Variants in RBMS1 observed in about 807,000 individuals in gnomAD.
RBMS1 encodes the protein RNA-binding motif, single-stranded-interacting protein 1.
A neutral mutation model predicts 62.3 loss-of-function variants in RBMS1; 17 were observed. That is an observed-to-expected ratio of 0.27 (90% CI 0.19 to 0.41). The LOEUF is 0.41. Ranked by LOEUF, RBMS1 falls within the 10% of genes least tolerant of loss-of-function variation. RBMS1 has a pLI of 1.00. For missense variants in RBMS1, 334 were observed against 504.5 expected (o/e 0.66, Z 3.24); for synonymous variants, 172 against 170.0 (o/e 1.01, Z -0.09).
intron 1 of RBMS1, 22 bp from the exon 2 acceptor site, chr2:160,367,413 C>A (rs1559454325): frequency 6.2e-7 from 1 of 1,612,570 alleles, no homozygotes; most frequent in Non-Finnish European, 8.5e-7. Context: ...AGATCAGGAG[C>A]CTTAGTATGC....
At chr2:160,282,436 T>C in intron 9 of RBMS1, 1 of 675,398 alleles carries the variant, frequency 1.5e-6, no homozygotes, top group Non-Finnish European at 2.5e-6. Context: ...AAGCTTATGG[T>C]GGTTTAGTGG....
chr2:160,274,503 A>C lies in RBMS1; in HGVS notation c.*269T>G, dbSNP rs1687727177. The C allele has an allele frequency of 6.7e-6, 1 of 149,666 alleles. No individual in the cohort carries two copies. The highest frequency in any genetic ancestry group is 2.5e-5 in the African/African-American group (1 of 40,698). 9.3% of individuals were successfully genotyped at this position (149,666 alleles called of 1,614,324 possible). On this transcript the variant is annotated 3_prime_UTR_variant, in exon 14 of 14. Transcript: ENST00000348849. ...TTTTTTTGCATCATAACATTTGATA[A>C]AAATCTTTTGTTTTTGTTTTTTGTT...
At chr2:160,314,838 T>G (rs1393418941) in intron 3 of RBMS1, among the ~76,000 whole-genome samples, 1 of 152,176 alleles carries the variant, frequency 6.6e-6, no homozygotes, top group East Asian at 1.9e-4. Context: ...AGGTTAAACA[T>G]ATCTTGGATG....
At chr2:160,385,889 C>T (rs1265226122) in intron 1 of RBMS1, among the ~76,000 whole-genome samples, 2 of 152,196 alleles carry the variant, frequency 1.3e-5, no homozygotes, top group African/African-American at 2.4e-5. Flanking sequence ...TATATTGGTT[C>T]GAAACGTCCA....
intron 1 of RBMS1, among the ~76,000 whole-genome samples, chr2:160,409,487 C>T (rs1172455094): frequency 6.6e-6 from 1 of 152,182 alleles, no homozygotes; most frequent in Non-Finnish European, 1.5e-5. Context: ...ACTGTTTTGA[C>T]TTCCCTTTTG....
chr2:160,439,943 C>CTG (rs1337021390), intron 1 of RBMS1, among the ~76,000 whole-genome samples: 1 of 151,944 alleles, frequency 6.6e-6, no homozygotes, highest in Non-Finnish European at 1.5e-5. Flanking sequence ...CAATCGCAGG[C>CTG]ACTCGGCAAG....
chr2:160,324,304 G>GCAC (rs1690762420), intron 2 of RBMS1, among the ~76,000 whole-genome samples: 1 of 152,174 alleles, frequency 6.6e-6, no homozygotes, highest in Non-Finnish European at 1.5e-5. Context: ...TAGGGAACGT[G>GCAC]CAGCTTTTGA....
intron 1 of RBMS1, among the ~76,000 whole-genome samples, chr2:160,400,238 GCCA>G (rs1306641748): frequency 6.6e-6 from 1 of 151,840 alleles, no homozygotes; most frequent in Non-Finnish European, 1.5e-5. Flanking sequence ...CTCTAAAGAA[GCCA>G]CACCTCCCAC....
At chr2:160,286,928 A>G (rs1559322572) in intron 7 of RBMS1, 41 bp downstream of exon 7, 31 of 1,607,528 alleles carry the variant, frequency 1.9e-5, no homozygotes, top group Non-Finnish European at 2.5e-5. Flanking sequence ...TCAAGATCAC[A>G]CCCCCTCCCC....
chr2:160,482,937 A>G (rs890359720), intron 1 of RBMS1, among the ~76,000 whole-genome samples: 1 of 152,240 alleles, frequency 6.6e-6, no homozygotes, highest in African/African-American at 2.4e-5. Flanking sequence ...GAAGGCTCAA[A>G]GGATGTGTAC....
chr2:160,330,223 G>A (rs1691179832), intron 2 of RBMS1, among the ~76,000 whole-genome samples: 1 of 152,168 alleles, frequency 6.6e-6, no homozygotes, highest in Admixed American at 6.5e-5. Flanking sequence ...AAGATGAAAT[G>A]TGGCTTGAGT....
chr2:160,301,325 T>TA (rs1689195876), intron 5 of RBMS1, among the ~76,000 whole-genome samples: 2 of 152,208 alleles, frequency 1.3e-5, no homozygotes, highest in African/African-American at 4.8e-5. Flanking sequence ...CTTTACAACT[T>TA]AGTCAATTCC....
At chr2:160,413,129 A>G (rs960907209) in intron 1 of RBMS1, among the ~76,000 whole-genome samples, 1 of 152,254 alleles carries the variant, frequency 6.6e-6, no homozygotes, top group African/African-American at 2.4e-5. Context: ...GAACCATTTC[A>G]GGCACCCATT....
Position 160,493,569 on chromosome 2 carries a change from C to CTCT in RBMS1, c.-209_-207dup. ...CCTCCTCCTCCTCCTCCTCCTCCTCCTCTTCCTCCTCCTCCTCCTCCTCCC... is the reference window on the plus strand; with the variant it reads ...CCTCCTCCTCCTCCTCCTCCTCCTCCTCTTCTTCCTCCTCCTCCTCCTCCTCCC... On this transcript the variant is annotated 5_prime_UTR_variant, in exon 1 of 14. Coordinates refer to ENST00000348849, the MANE Select transcript of RBMS1 (RefSeq NM_016836.4). The CTCT allele has an allele frequency of 1.7e-6, 1 of 593,268 alleles. No homozygotes were observed. The highest frequency in any genetic ancestry group is 1.9e-5 in the South Asian group (1 of 52,824). The allele number at this position is 593,268 out of a possible 1,614,324, so 36.8% of individuals were successfully genotyped here. A position where few individuals can be genotyped will look rare whatever the true frequency, so the allele number is the denominator to read the frequency against.
chr2:160,320,339 G>A (rs1315229193), intron 2 of RBMS1, among the ~76,000 whole-genome samples: 1 of 152,160 alleles, frequency 6.6e-6, no homozygotes, highest in African/African-American at 2.4e-5. Flanking sequence ...GGGCATGGTG[G>A]TGCGGGGCCT....
At chr2:160,349,927 T>G (rs1288200571) in intron 2 of RBMS1, among the ~76,000 whole-genome samples, 1 of 151,342 alleles carries the variant, frequency 6.6e-6, no homozygotes, top group South Asian at 2.1e-4. Context: ...ATGGAGAAGG[T>G]GACATGAGCA....
chr2:160,465,883 CA>C (rs1684669666), intron 1 of RBMS1, among the ~76,000 whole-genome samples: 1 of 147,760 alleles, frequency 6.8e-6, no homozygotes, highest in African/African-American at 2.5e-5. Flanking sequence ...CACACACACA[CA>C]CACACTCTCA....
At chr2:160,402,890 C>A (rs1045890567) in intron 1 of RBMS1, among the ~76,000 whole-genome samples, 1 of 152,086 alleles carries the variant, frequency 6.6e-6, no homozygotes, top group Non-Finnish European at 1.5e-5. Context: ...TGGGTGAGTA[C>A]TTTATAAATA....
At chr2:160,339,096 G>A (rs1287917584) in intron 2 of RBMS1, among the ~76,000 whole-genome samples, 3 of 152,124 alleles carry the variant, frequency 2.0e-5, no homozygotes, top group African/African-American at 4.8e-5. Flanking sequence ...TCTCCCCAGC[G>A]CCCTCAGCAC....
Sources: gnomAD v4.1 joint callset for allele counts (sites outside exome capture counted in the v4.1 genomes callset) on GRCh38, gnomAD v4.1.1 for gene constraint, MANE v1.5 for transcripts, NCBI Gene and HGNC (gene_info 2026-07-23, HGNC 2026-07-21) for gene names.